The following GLRA3 variants were observed in gnomAD, a reference collection of about 807,000 sequenced individuals.
The protein encoded by GLRA3 is glycine receptor alpha 3.
In GLRA3, 44 loss-of-function variants were observed where a neutral mutation model predicts 60.4. The ratio of observed to expected loss-of-function variants is 0.73; its 90% CI spans 0.57 to 0.94. The LOEUF is 0.94. GLRA3 is among the 40% of genes least tolerant of loss of function. The pLI, the probability that GLRA3 is intolerant of heterozygous loss-of-function variation, is 0.00. For synonymous variants in GLRA3, 223 were observed against 192.9 expected (o/e 1.16, Z -1.29); for missense variants, 508 against 564.6 (o/e 0.90, Z 1.02).
chr4:174,755,810 A>T (rs1223367863), intron 3 of GLRA3, among the ~76,000 whole-genome samples: 1 of 152,112 alleles, frequency 6.6e-6, no homozygotes, highest in African/African-American at 2.4e-5. Context: ...AACTATTATT[A>T]TTCATAGAAG....
intron 3 of GLRA3, 133 bp from the exon 4 acceptor site, chr4:174,728,831 A>G (rs950795329): frequency 8.5e-6 from 5 of 587,578 alleles, no homozygotes; most frequent in African/African-American, 1.9e-5. Flanking sequence ...CGGGGTGTAT[A>G]GTTAATGGAG....
intron 5 of GLRA3, among the ~76,000 whole-genome samples, chr4:174,686,111 A>T (rs1300729458): frequency 6.6e-6 from 1 of 152,324 alleles, no homozygotes; most frequent in African/African-American, 2.4e-5. Flanking sequence ...CTATGGTTCA[A>T]AAAATACTTA....
At position 174,677,150 on chromosome 4, in the gene GLRA3, C is replaced by G; in HGVS notation, c.855G>C (p.Arg285Ser). The change falls in exon 7 of 10, where the codon AGG becomes AGC. Residue 285 changes from arginine (R) to serine (S), a missense_variant. Arg to Ser is a moderately radical substitution (Grantham distance 110). Coordinates refer to ENST00000274093, the MANE Select transcript of GLRA3 (RefSeq NM_006529.4). ...FWINMDAAPA[R>S]VALGITTVLT... ...GCACAGTGGTTATCCCCAGAGCTAC[C>G]CTGGCCGGTGCTGCATCCATGTTGA... is the stretch of plus-strand genomic sequence containing the variant. The G allele has an allele frequency of 2.5e-6, 4 of 1,613,480 alleles. No homozygotes were observed. The highest frequency in any genetic ancestry group is 3.4e-6 in the Non-Finnish European group (4 of 1,179,532).
chr4:174,737,500 CT>C (rs995194598), intron 3 of GLRA3, among the ~76,000 whole-genome samples: 2 of 148,286 alleles, frequency 1.3e-5, no homozygotes, highest in African/African-American at 2.5e-5. Flanking sequence ...AATGCTAAGG[CT>C]TTTTTTTGTG....
chr4:174,758,591 CATT>C (rs1737817393), intron 3 of GLRA3, among the ~76,000 whole-genome samples: 1 of 152,002 alleles, frequency 6.6e-6, no homozygotes, highest in African/African-American at 2.4e-5. Context: ...AGAAAAATAA[CATT>C]AGTAAAAACT....
intron 3 of GLRA3, among the ~76,000 whole-genome samples, chr4:174,746,350 G>A (rs992343561): frequency 2.6e-5 from 4 of 152,078 alleles, no homozygotes; most frequent in Non-Finnish European, 4.4e-5. Context: ...CAGCAACATG[G>A]AAAGAGCTGC....
chr4:174,663,287 T>G (rs1733524815), intron 7 of GLRA3, among the ~76,000 whole-genome samples: 1 of 152,158 alleles, frequency 6.6e-6, no homozygotes, highest in Admixed American at 6.5e-5. Flanking sequence ...TTAAATCTCA[T>G]AAATTCTGTA....
intron 5 of GLRA3, among the ~76,000 whole-genome samples, chr4:174,691,921 G>A (rs927403267): frequency 7.9e-5 from 12 of 151,326 alleles, no homozygotes; most frequent in African/African-American, 2.4e-4. Flanking sequence ...TTCTCTGCCC[G>A]GCCGCCATCC....
intron 5 of GLRA3, among the ~76,000 whole-genome samples, chr4:174,684,465 T>C (rs1190947856): frequency 6.6e-6 from 1 of 152,220 alleles, no homozygotes; most frequent in Admixed American, 6.5e-5. Flanking sequence ...CAGCCTTTAG[T>C]AAACTAAAAT....
Position 174,643,711 on chromosome 4 carries a change from CAT to C in GLRA3, c.*73_*74del, listed in dbSNP as rs1732696633. ...TCATCATTTGTATACCACACGCACA[CAT>C]ATACACATACACACCTATGGCAGAG... On this transcript the variant is annotated 3_prime_UTR_variant, in exon 10 of 10. Coordinates refer to ENST00000274093, the MANE Select transcript of GLRA3 (RefSeq NM_006529.4). The C allele has an allele frequency of 6.5e-7, 1 of 1,549,456 alleles. No individual in the cohort carries two copies. The highest frequency in any genetic ancestry group is 8.7e-7 in the Non-Finnish European group (1 of 1,149,268).
chr4:174,755,913 G>A (rs939747396), intron 3 of GLRA3, among the ~76,000 whole-genome samples: 3 of 151,818 alleles, frequency 2.0e-5, no homozygotes, highest in African/African-American at 7.3e-5. Flanking sequence ...AAAAATGAGT[G>A]AAAACCAAAT....
intron 3 of GLRA3, among the ~76,000 whole-genome samples, chr4:174,755,259 T>A (rs996570059): frequency 2.6e-5 from 4 of 152,236 alleles, no homozygotes; most frequent in East Asian, 1.9e-4. Flanking sequence ...ACTTAAGAGC[T>A]ACTTTATGCT....
intron 5 of GLRA3, among the ~76,000 whole-genome samples, chr4:174,713,208 A>G (rs1488244393): frequency 1.3e-5 from 2 of 152,196 alleles, no homozygotes; most frequent in East Asian, 1.9e-4. Context: ...CCCTTGAACA[A>G]TCCACTCATA....
At chr4:174,695,144 A>G (rs1452395473) in intron 5 of GLRA3, among the ~76,000 whole-genome samples, 1 of 152,012 alleles carries the variant, frequency 6.6e-6, no homozygotes, top group Non-Finnish European at 1.5e-5. Context: ...GTAGTTCTGA[A>G]TTTTACCAGA....
rs558887926 is a variant in GLRA3 at position 174,643,448 on chromosome 4, G to A, written c.*338C>T. ...TAATAGCATTGAATTACAAATCAAG[G>A]AATTTCAAAGTAGTTTTCATGTCTA... On this transcript the variant is annotated 3_prime_UTR_variant, in exon 10 of 10. Coordinates refer to ENST00000274093, the MANE Select transcript of GLRA3 (RefSeq NM_006529.4). The A allele has an allele frequency of 3.6e-6, 3 of 838,828 alleles. No individual in the cohort carries two copies. The highest frequency in any genetic ancestry group is 4.7e-5 in the African/African-American group (1 of 21,268). The allele number at this position is 838,828 out of a possible 1,614,324, so 52.0% of individuals were successfully genotyped here.
At chr4:174,706,848 T>C (rs1417757993) in intron 5 of GLRA3, among the ~76,000 whole-genome samples, 4 of 152,164 alleles carry the variant, frequency 2.6e-5, no homozygotes, top group Non-Finnish European at 4.4e-5. Flanking sequence ...ATTCTGTGAA[T>C]TTTAAAGGAG....
intron 8 of GLRA3, 67 bp downstream of exon 8, chr4:174,658,987 A>T: frequency 1.5e-6 from 2 of 1,370,600 alleles, no homozygotes; most frequent in Non-Finnish European, 2.1e-6. Context: ...CATCTCTATT[A>T]AATACAACAA....
chr4:174,703,565 G>C (rs1190883482), intron 5 of GLRA3, among the ~76,000 whole-genome samples: 2 of 151,926 alleles, frequency 1.3e-5, no homozygotes, highest in African/African-American at 4.8e-5. Flanking sequence ...TTACTTATTA[G>C]GTTTTGTTTT....
intron 7 of GLRA3, among the ~76,000 whole-genome samples, chr4:174,660,994 C>T (rs1168141588): frequency 1.3e-5 from 2 of 152,140 alleles, no homozygotes; most frequent in Non-Finnish European, 2.9e-5. Context: ...CAAGATACTC[C>T]AGATTCATCT....
Sources: gnomAD v4.1 joint callset for allele counts (sites outside exome capture counted in the v4.1 genomes callset) on GRCh38, gnomAD v4.1.1 for gene constraint, MANE v1.5 for transcripts, NCBI Gene and HGNC (gene_info 2026-07-23, HGNC 2026-07-21) for gene names.